EPAS1: variants seen among roughly 807,000 people sequenced by gnomAD.
The protein encoded by EPAS1 is endothelial PAS domain-containing protein 1.
Under a neutral mutation model 87.9 loss-of-function variants are expected in EPAS1, and 23 were observed. The observed-to-expected ratio is 0.26, with a 90% CI of 0.19 to 0.37. The LOEUF (loss-of-function observed/expected upper bound fraction) is 0.37. Among genes scored for constraint, EPAS1 ranks in the 10% least tolerant of loss-of-function variants. EPAS1 has a pLI of 1.00. For synonymous variants in EPAS1, 508 were observed against 444.3 expected, an observed-to-expected ratio of 1.14 and a Z score of -1.80; for missense variants, 1,138 against 1,120.7, an observed-to-expected ratio of 1.02 and a Z score of -0.22.
chr2:46,381,797 AT>A, intron 13 of EPAS1, 75 bp downstream of exon 13: 1 of 1,602,846 alleles, frequency 6.2e-7, no homozygotes. Flanking sequence ...AGGGGTGGGG[AT>A]GTGGCCCTTC....
chr2:46,346,778 C>T lies in EPAS1; in HGVS notation c.27-95C>T. On this transcript the variant is annotated intron_variant, in intron 1 of 15. Coordinates refer to ENST00000263734, the MANE Select transcript of EPAS1 (RefSeq NM_001430.5). This position sits in a 1 kb window ranked among gnomAD's most constrained non-coding sequence, Gnocchi z 4.0. ...AGATCAGTCTAGTAAGGGAGTGTGGCTGCACTGGGGGTTGGGGCCATGGGG... is the reference window on the plus strand; with the variant it reads ...AGATCAGTCTAGTAAGGGAGTGTGGTTGCACTGGGGGTTGGGGCCATGGGG... 7.6e-7 allele frequency: 1 copy of T among 1,322,994 alleles called. No individual in the cohort carries two copies. The highest frequency in any genetic ancestry group is 2.5e-5 in the East Asian group (1 of 40,740). 82.0% of individuals were successfully genotyped at this position (1,322,994 alleles called of 1,614,324 possible). A position where few individuals can be genotyped will look rare whatever the true frequency, so the allele number is the denominator to read the frequency against.
chr2:46,316,765 T>C (rs1683350221), intron 1 of EPAS1, among the ~76,000 whole-genome samples: 1 of 152,172 alleles, frequency 6.6e-6, no homozygotes, highest in South Asian at 2.1e-4. Context: ...TGAAGTTTTT[T>C]ACATCAATAG....
Position 46,380,379 on chromosome 2 carries a change from C to T in EPAS1, c.1707C>T (p.Asn569=), listed in dbSNP as rs778625745. 1.9e-6 allele frequency: 3 copies of T among 1,614,078 alleles called. No homozygotes were observed. The South Asian group carries it at 3.3e-5, about 18-fold the overall frequency. ...TPQHCFSAMT[N]IFQPLAPVAP... is the part of the protein sequence containing the mutation. Reference sequence around the variant, plus strand: ...AGCACTGCTTCAGTGCCATGACAAACATCTTCCAGCCACTGGCCCCTGTAG... The same window carrying T: ...AGCACTGCTTCAGTGCCATGACAAATATCTTCCAGCCACTGGCCCCTGTAG... Residue 569 remains asparagine (N), a synonymous_variant, in exon 12 of 16, where the codon AAC becomes AAT. Transcript: ENST00000263734. The surrounding 1 kb of genome is among the most constrained non-coding windows in gnomAD (Gnocchi z 4.4).
rs924660854 is a variant in EPAS1, at chr2:46,346,260, T to A, written c.27-613T>A. On this transcript the variant is annotated intron_variant, in intron 1 of 15. Coordinates refer to ENST00000263734, the MANE Select transcript of EPAS1 (RefSeq NM_001430.5). This position sits in a 1 kb window ranked among gnomAD's most constrained non-coding sequence, Gnocchi z 4.0. Reference sequence around the variant, plus strand: ...AATGTTTGTGCCCACTCCTTTTTAATCCTTGACAGAACGCACGTTGGTACT... The same window carrying A: ...AATGTTTGTGCCCACTCCTTTTTAAACCTTGACAGAACGCACGTTGGTACT... Among the ~76,000 whole-genome samples, 2 of 152,230 alleles carry A rather than the reference T, an allele frequency of 1.3e-5. No homozygotes were observed. The highest frequency in any genetic ancestry group is 4.1e-4 in the South Asian group (2 of 4,826).
chr2:46,299,055 T>C lies in EPAS1; in HGVS notation c.26+1118T>C, dbSNP rs201983788. ...CGGGAAACCAGCGGCGGAGCGGCGG[T>C]ATAGAGGTGCGAGGATGAGGAGGAC... On this transcript the variant is annotated intron_variant, in intron 1 of 15. Transcript: ENST00000263734. Among the ~76,000 whole-genome samples, 29 of 152,034 alleles carry C rather than the reference T, an allele frequency of 1.9e-4. No individual in the cohort carries two copies. In the East Asian group the frequency reaches 5.6e-3, roughly 29 times the overall value.
chr2:46,336,194 G>T (rs745319489), intron 1 of EPAS1, among the ~76,000 whole-genome samples: 9 of 152,150 alleles, frequency 5.9e-5, no homozygotes, highest in Non-Finnish European at 1.2e-4. Flanking sequence ...GGGCATTTTT[G>T]ATTGTCTTTC....
Position 46,381,826 on chromosome 2 carries a change from T to C in EPAS1, c.2172+104T>C, listed in dbSNP as rs556678085. ...GGCCCTTCCAAGCCAGCATAGCCCTTAGGGAACCCAGGGCTGCTGAGAGGG... is the reference window on the plus strand; with the variant it reads ...GGCCCTTCCAAGCCAGCATAGCCCTCAGGGAACCCAGGGCTGCTGAGAGGG... On this transcript the variant is annotated intron_variant, in intron 13 of 15. Transcript: ENST00000263734. 14 of 1,573,806 alleles carry C rather than the reference T, an allele frequency of 8.9e-6. No individual in the cohort carries two copies. In the Admixed American group the frequency reaches 2.5e-4, roughly 28 times the overall value.
At chr2:46,324,337 G>C (rs949247935) in intron 1 of EPAS1, among the ~76,000 whole-genome samples, 3 of 152,182 alleles carry the variant, frequency 2.0e-5, no homozygotes, top group African/African-American at 7.2e-5. Flanking sequence ...AAGGTGCTAG[G>C]ATTACAGGTG....
At position 46,297,681 on chromosome 2, in the gene EPAS1, C is replaced by T. The variant is rs750848838; in HGVS notation, c.-231C>T. On this transcript the variant is annotated 5_prime_UTR_variant, in exon 1 of 16. Coordinates refer to ENST00000263734, the MANE Select transcript of EPAS1 (RefSeq NM_001430.5). Reference sequence around the variant, plus strand: ...AGCCTCCACCCACTCCTTCCCCGGACCCCGCCTCCGCGCGCAGGTTCCTCC... The same window carrying T: ...AGCCTCCACCCACTCCTTCCCCGGATCCCGCCTCCGCGCGCAGGTTCCTCC... The T allele has an allele frequency of 7.1e-6, 4 of 564,244 alleles. No homozygotes were observed. Among genetic ancestry groups the T allele is most frequent in the East Asian group, 6.3e-5 (2 of 31,906 alleles). The allele number at this position is 564,244 out of a possible 1,614,324, so 35.0% of individuals were successfully genotyped here.
At chr2:46,318,356 A>G (rs778486743) in intron 1 of EPAS1, among the ~76,000 whole-genome samples, 17 of 152,220 alleles carry the variant, frequency 1.1e-4, no homozygotes, top group Non-Finnish European at 2.2e-4. Context: ...AATAATAGCT[A>G]TAATAATGAA....
At position 46,375,748 on chromosome 2, in the gene EPAS1, C is replaced by A. The variant is rs1684730861; in HGVS notation, c.945C>A (p.Gly315=). The A allele has an allele frequency of 6.2e-7, 1 of 1,614,120 alleles. No homozygotes were observed. The highest frequency in any genetic ancestry group is 1.1e-5 in the South Asian group (1 of 91,096). The stretch of plus-strand genomic sequence containing the variant: ...ACCGGATGCTCGCAAAGCATGGGGG[C>A]TACGTGTGGCTGGAGACCCAGGGGA... ...GQYRMLAKHG[G]YVWLETQGTV... The change falls in exon 8 of 16, where the codon GGC becomes GGA. Residue 315 remains glycine, a synonymous_variant. Coordinates refer to ENST00000263734, the MANE Select transcript of EPAS1 (RefSeq NM_001430.5). This position sits in a 1 kb window ranked among gnomAD's most constrained non-coding sequence, Gnocchi z 4.1.
At position 46,346,160 on chromosome 2, in the gene EPAS1, C is replaced by T. The variant is rs191133507; in HGVS notation, c.27-713C>T. Among the ~76,000 whole-genome samples the T allele has an allele frequency of 2.7e-4, 41 of 152,332 alleles. No homozygotes were observed. The East Asian group carries it at 6.6e-3, about 24-fold the overall frequency. ...GCAGGCTTCAGTGCGTGTCATCTTT[C>T]GTTCCATCCTGCAGCAAAGAGGAGA... On this transcript the variant is annotated intron_variant, in intron 1 of 15. Coordinates refer to ENST00000263734, the MANE Select transcript of EPAS1 (RefSeq NM_001430.5). The surrounding 1 kb of genome is among the most constrained non-coding windows in gnomAD (Gnocchi z 4.0).
rs184550099 is a variant in EPAS1, at chr2:46,327,598, G to T, written c.27-19275G>T. On this transcript the variant is annotated intron_variant, in intron 1 of 15. Transcript: ENST00000263734. ...AAAAGTTACCTATTTGGAATATAAG[G>T]TGGGACAAAGTTTATAAAACTCCAT... is the stretch of plus-strand genomic sequence containing the variant. 3.9e-5 allele frequency among the ~76,000 whole-genome samples: 6 copies of T among 152,320 alleles called. No individual in the cohort carries two copies. In the East Asian group the frequency reaches 1.2e-3, roughly 29 times the overall value.
rs111768510 is a variant in EPAS1 at position 46,375,190 on chromosome 2, CA to C, written c.887-491del. Among the ~76,000 whole-genome samples the C allele has an allele frequency of 0.076, 10,300 of 135,248 alleles. 710 individuals are homozygous for C. The highest frequency in any genetic ancestry group is 0.16 in the African/African-American group (6,198 of 37,806). 88.7% of individuals were successfully genotyped at this position (135,248 alleles called of 152,430 possible). A position where few individuals can be genotyped will look rare whatever the true frequency, so the allele number is the denominator to read the frequency against. ...TGGTGGGTCTGCTGAAAAAAAAAAA[CA>C]AAAAAAAACAAAAAAAACTGCCCTG... is the stretch of plus-strand genomic sequence containing the variant. On this transcript the variant is annotated intron_variant, in intron 7 of 15. Coordinates refer to ENST00000263734, the MANE Select transcript of EPAS1 (RefSeq NM_001430.5). The surrounding 1 kb of genome is among the most constrained non-coding windows in gnomAD (Gnocchi z 4.1).
chr2:46,351,191 T>A (rs969974542), intron 2 of EPAS1, among the ~76,000 whole-genome samples: 1 of 152,226 alleles, frequency 6.6e-6, no homozygotes, highest in African/African-American at 2.4e-5. Flanking sequence ...TGAGAACAGC[T>A]AATATACAGT....
At chr2:46,362,009 G>T (rs113492837) in intron 6 of EPAS1, among the ~76,000 whole-genome samples, 62 of 152,348 alleles carry the variant, frequency 4.1e-4, no homozygotes, top group African/African-American at 1.5e-3. Context: ...AAATGCAGAA[G>T]ACTGGGCCCA....
At chr2:46,311,523 G>T (rs569022478) in intron 1 of EPAS1, among the ~76,000 whole-genome samples, 1 of 152,258 alleles carries the variant, frequency 6.6e-6, no homozygotes, top group South Asian at 2.1e-4. Context: ...TCTTGCCATG[G>T]CTAGAAATTT....
At position 46,306,909 on chromosome 2, in the gene EPAS1, ACT is replaced by A. The variant is rs945471362; in HGVS notation, c.26+8977_26+8978del. ...GGTCAAAGCATGGGTCATTTGACAAACTCTCTTTATGAACATTACCTCTGCAA... is the reference window on the plus strand; with the variant it reads ...GGTCAAAGCATGGGTCATTTGACAAACTCTTTATGAACATTACCTCTGCAA... On this transcript the variant is annotated intron_variant, in intron 1 of 15. Coordinates refer to ENST00000263734, the MANE Select transcript of EPAS1 (RefSeq NM_001430.5). 5.9e-5 allele frequency among the ~76,000 whole-genome samples: 9 copies of A among 152,286 alleles called. No homozygotes were observed. In the South Asian group the frequency reaches 8.3e-4, roughly 14 times the overall value.
chr2:46,352,266 T>C (rs1471483897), intron 2 of EPAS1, among the ~76,000 whole-genome samples: 1 of 152,188 alleles, frequency 6.6e-6, no homozygotes, highest in Non-Finnish European at 1.5e-5. Flanking sequence ...TGCTGGATTG[T>C]GGCATCACCT....
Sources: gnomAD v4.1 joint callset for allele counts (sites outside exome capture counted in the v4.1 genomes callset) on GRCh38, gnomAD v4.1.1 for gene constraint, Gnocchi (gnomAD v3.1) non-coding constraint, MANE v1.5 for transcripts, NCBI Gene and HGNC (gene_info 2026-07-23, HGNC 2026-07-21) for gene names.